Variants in CCBE1 observed in about 807,000 individuals in gnomAD.
The protein encoded by CCBE1 is collagen and calcium-binding EGF domain-containing protein 1.
CCBE1 carries 37 observed loss-of-function variants against 50.0 expected under a neutral mutation model. The observed-to-expected ratio is 0.74, with a 90% CI of 0.57 to 0.97. The LOEUF (loss-of-function observed/expected upper bound fraction) is 0.97, where lower values mean the gene tolerates loss of function less well. CCBE1 is among the 50% of genes least tolerant of loss of function. CCBE1 has a pLI of 0.00. For missense variants in CCBE1, 538 were observed against 523.8 expected, an observed-to-expected ratio of 1.03 and a Z score of -0.26; for synonymous variants, 234 against 203.7, an observed-to-expected ratio of 1.15 and a Z score of -1.27.
At chr18:59,529,210 A>G (rs1914951055) in intron 2 of CCBE1, among the ~76,000 whole-genome samples, 1 of 152,172 alleles carries the variant, frequency 6.6e-6, no homozygotes, top group Non-Finnish European at 1.5e-5. Flanking sequence ...GTGAGGAGAG[A>G]TGGGTCAGGG....
chr18:59,696,679 C>T lies in CCBE1; in HGVS notation c.162G>A (p.Thr54=). The change falls in exon 2 of 11, where the codon ACG becomes ACA. Residue 54 remains threonine (T), a synonymous_variant. Coordinates refer to ENST00000439986, the MANE Select transcript of CCBE1 (RefSeq NM_133459.4). ...REICSESKIA[T]TKYPCLKSSG... Reference sequence around the variant, plus strand: ...AAGACTTCAGACACGGGTATTTAGTCGTCGCGATTTTGCTCTCTGAGCAGA... The same window carrying T: ...AAGACTTCAGACACGGGTATTTAGTTGTCGCGATTTTGCTCTCTGAGCAGA... 1 of 1,614,022 alleles carries T rather than the reference C, an allele frequency of 6.2e-7. No homozygotes were observed. Among genetic ancestry groups the T allele is most frequent in the Non-Finnish European group, 8.5e-7 (1 of 1,179,944 alleles).
intron 2 of CCBE1, among the ~76,000 whole-genome samples, chr18:59,649,934 T>C (rs1317134530): frequency 3.9e-5 from 6 of 152,050 alleles, no homozygotes; most frequent in Non-Finnish European, 7.4e-5. Context: ...AAGAGCATCT[T>C]CAAGGGGCAC....
intron 7 of CCBE1, 106 bp downstream of exon 7, chr18:59,447,877 C>T (rs1910751394): frequency 7.7e-6 from 12 of 1,560,404 alleles, no homozygotes. Flanking sequence ...TGCCTTGTTT[C>T]TCCTCGATGG....
chr18:59,476,267 C>T (rs1452849649), intron 3 of CCBE1, among the ~76,000 whole-genome samples: 2 of 152,200 alleles, frequency 1.3e-5, no homozygotes, highest in African/African-American at 2.4e-5. Context: ...ACAAGCTTTA[C>T]CTGCTCTTCT....
intron 9 of CCBE1, among the ~76,000 whole-genome samples, chr18:59,439,308 T>C (rs1910303433): frequency 7.2e-6 from 1 of 139,006 alleles, no homozygotes; most frequent in Non-Finnish European, 1.6e-5. Context: ...AAAAGAAAAA[T>C]CCAAAAATTA....
rs994343564 is a variant in CCBE1 at position 59,697,413 on chromosome 18, C to A, written c.-71G>T. On this transcript the variant is annotated 5_prime_UTR_variant, in exon 1 of 11. Coordinates refer to ENST00000439986, the MANE Select transcript of CCBE1 (RefSeq NM_133459.4). ...CAAGCGTCCTGCTCCTCCGCGGCCG[C>A]CGCCGCCTTCCCTCTTCCCGGCAGG... 3.3e-6 allele frequency: 5 copies of A among 1,506,130 alleles called. No homozygotes were observed. The African/African-American group carries it at 5.6e-5, about 17-fold the overall frequency. The allele number at this position is 1,506,130 out of a possible 1,614,324, so 93.3% of individuals were successfully genotyped here.
At position 59,546,195 on chromosome 18, in the gene CCBE1, C is replaced by T. The variant is rs114622301; in HGVS notation, c.213-65957G>A. 4.3e-3 allele frequency among the ~76,000 whole-genome samples: 649 copies of T among 152,294 alleles called. 6 individuals are homozygous for T. The highest frequency in any genetic ancestry group is 0.015 in the African/African-American group (617 of 41,566). On this transcript the variant is annotated intron_variant, in intron 2 of 10. Coordinates refer to ENST00000439986, the MANE Select transcript of CCBE1 (RefSeq NM_133459.4). The stretch of plus-strand genomic sequence containing the variant: ...AGATTTTCCAATGAAAATAGCCTTT[C>T]GTTTTCATTTGCATTTCTTTGACTA...
chr18:59,562,291 C>G (rs1171372963), intron 2 of CCBE1, among the ~76,000 whole-genome samples: 1 of 152,130 alleles, frequency 6.6e-6, no homozygotes, highest in Non-Finnish European at 1.5e-5. Flanking sequence ...ATTGGTAAAC[C>G]AGGAACCAAT....
chr18:59,609,754 C>T (rs1250484439), intron 2 of CCBE1, among the ~76,000 whole-genome samples: 1 of 152,202 alleles, frequency 6.6e-6, no homozygotes, highest in Admixed American at 6.5e-5. Context: ...GTCTATTCCT[C>T]TCCTGTAAAC....
At chr18:59,577,799 G>GCCAAT (rs1370112155) in intron 2 of CCBE1, among the ~76,000 whole-genome samples, 1 of 152,166 alleles carries the variant, frequency 6.6e-6, no homozygotes, top group Non-Finnish European at 1.5e-5. Context: ...AATCTACAGA[G>GCCAAT]CTAAAATAGC....
At chr18:59,516,077 G>A (rs1478626064) in intron 2 of CCBE1, among the ~76,000 whole-genome samples, 1 of 152,128 alleles carries the variant, frequency 6.6e-6, no homozygotes, top group African/African-American at 2.4e-5. Context: ...TTTTGCTCCA[G>A]CCTCCTGAAT....
intron 2 of CCBE1, among the ~76,000 whole-genome samples, chr18:59,647,094 C>T (rs2054064582): frequency 6.6e-6 from 1 of 152,206 alleles, no homozygotes; most frequent in African/African-American, 2.4e-5. Flanking sequence ...GCTGATGCTA[C>T]ACTCAAGAAA....
chr18:59,539,966 T>C (rs7234077), intron 2 of CCBE1, among the ~76,000 whole-genome samples: 38,612 of 152,150 alleles, frequency 0.25, 5,209 homozygotes, highest in African/African-American at 0.32. Flanking sequence ...AGAATTCTAT[T>C]TGGTAAGTTC....
At chr18:59,602,673 A>G (rs1426316289) in intron 2 of CCBE1, among the ~76,000 whole-genome samples, 3 of 152,224 alleles carry the variant, frequency 2.0e-5, no homozygotes, top group Non-Finnish European at 2.9e-5. Flanking sequence ...AAGCTGTAAT[A>G]ACCAGGAAAG....
At chr18:59,580,793 C>G (rs991122352) in intron 2 of CCBE1, among the ~76,000 whole-genome samples, 1 of 152,164 alleles carries the variant, frequency 6.6e-6, no homozygotes, top group Non-Finnish European at 1.5e-5. Flanking sequence ...AAAAAACTTC[C>G]TGTGGAAGAA....
chr18:59,502,342 G>T (rs1370531606), intron 2 of CCBE1, among the ~76,000 whole-genome samples: 2 of 152,142 alleles, frequency 1.3e-5, no homozygotes, highest in African/African-American at 2.4e-5. Context: ...CACGGGTTTT[G>T]CTTTTTTGTG....
chr18:59,545,388 G>A (rs368022977), intron 2 of CCBE1, among the ~76,000 whole-genome samples: 13 of 152,102 alleles, frequency 8.5e-5, no homozygotes, highest in African/African-American at 2.6e-4. Context: ...CTCTATATCG[G>A]TGTGAGCACC....
intron 5 of CCBE1, among the ~76,000 whole-genome samples, chr18:59,457,135 T>A (rs1339630731): frequency 6.6e-6 from 1 of 152,178 alleles, no homozygotes; most frequent in Non-Finnish European, 1.5e-5. Context: ...TTTTTAAAAA[T>A]CCACTTTATG....
chr18:59,533,532 A>G (rs1216987164), intron 2 of CCBE1, among the ~76,000 whole-genome samples: 1 of 152,230 alleles, frequency 6.6e-6, no homozygotes, highest in African/African-American at 2.4e-5. Flanking sequence ...TTATGTTAGA[A>G]ATATGTAAAG....
Sources: gnomAD v4.1 joint callset for allele counts (sites outside exome capture counted in the v4.1 genomes callset) on GRCh38, gnomAD v4.1.1 for gene constraint, MANE v1.5 for transcripts, NCBI Gene and HGNC (gene_info 2026-07-23, HGNC 2026-07-21) for gene names.